CHD9: variants seen among roughly 807,000 people sequenced by gnomAD.
The protein encoded by CHD9 is chromodomain helicase DNA binding protein 9, also known as ATP-dependent chromatin remodeler CHD9.
CHD9 carries 77 observed loss-of-function variants against 316.1 expected under a neutral mutation model. The ratio of observed to expected loss-of-function variants is 0.24; its 90% confidence interval spans 0.20 to 0.29. CHD9 has a LOEUF of 0.29. Ranked by LOEUF, CHD9 falls within the 10% of genes least tolerant of loss-of-function variation. The pLI is 1.00. For synonymous variants in CHD9, 1,129 were observed against 1,158.3 expected, an observed-to-expected ratio of 0.97 and a Z score of 0.51; for missense variants, 2,763 against 3,438.1, an observed-to-expected ratio of 0.80 and a Z score of 4.91.
intron 1 of CHD9, among the ~76,000 whole-genome samples, chr16:53,092,355 A>T (rs2036016990): frequency 6.6e-6 from 1 of 152,220 alleles, no homozygotes. Flanking sequence ...ATGCAAATAC[A>T]TGCTTATCAT....
rs1165327261 is a variant in CHD9, at chr16:53,320,532, A to G, written c.7714-994A>G. 2.6e-5 allele frequency among the ~76,000 whole-genome samples: 4 copies of G among 152,178 alleles called. No individual in the cohort carries two copies. In the East Asian group the frequency reaches 7.7e-4, roughly 29 times the overall value. On this transcript the variant is annotated intron_variant, in intron 37 of 38. Transcript: ENST00000447540. ...GTGAGACTCCATCTCAAAAAAATAAATAAATACTTATAGGTAATATAACTG... is the reference window on the plus strand; with the variant it reads ...GTGAGACTCCATCTCAAAAAAATAAGTAAATACTTATAGGTAATATAACTG...
chr16:53,292,217 C>T (rs1420881861), intron 28 of CHD9, among the ~76,000 whole-genome samples: 1 of 152,144 alleles, frequency 6.6e-6, no homozygotes, highest in East Asian at 1.9e-4. Context: ...CACCAGCATC[C>T]CAGAGGAACA....
chr16:53,238,948 C>G (rs1037461880), intron 12 of CHD9, among the ~76,000 whole-genome samples: 1 of 151,932 alleles, frequency 6.6e-6, no homozygotes, highest in Admixed American at 6.6e-5. Flanking sequence ...GCTTTTTTCC[C>G]GTCATTTAAA....
intron 1 of CHD9, among the ~76,000 whole-genome samples, chr16:53,067,878 T>G (rs191879543): frequency 1.3e-5 from 2 of 152,026 alleles, no homozygotes; most frequent in East Asian, 3.9e-4. Flanking sequence ...CTGGGCAACA[T>G]AGTGAGACCC....
intron 31 of CHD9, among the ~76,000 whole-genome samples, chr16:53,305,585 A>G (rs2055887181): frequency 6.6e-6 from 1 of 152,214 alleles, no homozygotes; most frequent in Non-Finnish European, 1.5e-5. Context: ...ATAATATTAT[A>G]TAGCAGTCAC....
chr16:53,220,182 G>C (rs2047120617), intron 3 of CHD9, among the ~76,000 whole-genome samples: 1 of 152,154 alleles, frequency 6.6e-6, no homozygotes, highest in African/African-American at 2.4e-5. Flanking sequence ...GAATATCTTT[G>C]TGTTTCTTCT....
At chr16:53,128,100 G>C (rs1403511781) in intron 1 of CHD9, among the ~76,000 whole-genome samples, 1 of 152,158 alleles carries the variant, frequency 6.6e-6, no homozygotes, top group Non-Finnish European at 1.5e-5. Flanking sequence ...CTCCGTCATA[G>C]CACAGGCTTT....
intron 24 of CHD9, among the ~76,000 whole-genome samples, chr16:53,283,926 CA>C (rs2053637389): frequency 6.6e-6 from 1 of 152,042 alleles, no homozygotes; most frequent in African/African-American, 2.4e-5. Flanking sequence ...AATTTGTTTC[CA>C]TTTTTTTAAT....
At chr16:53,222,970 A>G (rs1597498931) in intron 4 of CHD9, among the ~76,000 whole-genome samples, 1 of 152,170 alleles carries the variant, frequency 6.6e-6, no homozygotes, top group Non-Finnish European at 1.5e-5. Flanking sequence ...CAGACCCCTC[A>G]TTTTTCAGAT....
At chr16:53,087,163 G>A (rs1190970586) in intron 1 of CHD9, among the ~76,000 whole-genome samples, 1 of 152,122 alleles carries the variant, frequency 6.6e-6, no homozygotes, top group East Asian at 1.9e-4. Flanking sequence ...AAACTATGAA[G>A]TATCACTCTC....
At chr16:53,109,328 TC>T (rs2037639457) in intron 1 of CHD9, among the ~76,000 whole-genome samples, 1 of 152,186 alleles carries the variant, frequency 6.6e-6, no homozygotes, top group South Asian at 2.1e-4. Context: ...ATTTTGGGAC[TC>T]GTAGTCCAGC....
intron 2 of CHD9, among the ~76,000 whole-genome samples, chr16:53,174,032 A>G (rs2042948272): frequency 6.6e-6 from 1 of 152,060 alleles, no homozygotes; most frequent in African/African-American, 2.4e-5. Flanking sequence ...TTAAGTTTTG[A>G]ATTCCCCCTT....
chr16:53,200,394 CA>C (rs1319860964), intron 2 of CHD9, among the ~76,000 whole-genome samples: 1 of 131,096 alleles, frequency 7.6e-6, no homozygotes, highest in African/African-American at 2.9e-5. Context: ...AAAAAAACCA[CA>C]AAAATTAGCC....
At chr16:53,080,793 A>G (rs1596907920) in intron 1 of CHD9, among the ~76,000 whole-genome samples, 1 of 151,374 alleles carries the variant, frequency 6.6e-6, no homozygotes, top group South Asian at 2.1e-4. Flanking sequence ...CTCCACCCCC[A>G]CCTCCTGGCT....
In CHD9 at chr16:53,102,304, G is replaced by T. The variant is rs559514830; in HGVS notation, c.-165+47227G>T. Among the ~76,000 whole-genome samples the T allele has an allele frequency of 8.6e-5, 13 of 152,014 alleles. 1 individual carries two copies. In the South Asian group the frequency reaches 2.7e-3, roughly 32 times the overall value. On this transcript the variant is annotated intron_variant, in intron 1 of 38. Coordinates refer to ENST00000447540, the MANE Select transcript of CHD9 (RefSeq NM_001308319.2). ...CCTTGTTTTAGCTTCATGAGAGTAG[G>T]GTTCAAAACTGCCTTCTTCACAACT...
intron 2 of CHD9, among the ~76,000 whole-genome samples, chr16:53,182,696 T>G (rs1437955909): frequency 2.6e-5 from 4 of 152,192 alleles, no homozygotes; most frequent in African/African-American, 9.6e-5. Flanking sequence ...CTTTAATACT[T>G]AAATCTACAT....
intron 1 of CHD9, among the ~76,000 whole-genome samples, chr16:53,135,724 T>C (rs2039665127): frequency 6.6e-6 from 1 of 152,180 alleles, no homozygotes. Flanking sequence ...AGAATAGGTT[T>C]AGCTAGAAGT....
At chr16:53,187,554 T>G (rs1447531939) in intron 2 of CHD9, among the ~76,000 whole-genome samples, 1 of 151,528 alleles carries the variant, frequency 6.6e-6, no homozygotes, top group African/African-American at 2.4e-5. Context: ...TTGGCCAGAG[T>G]CTTGGGGAAC....
At chr16:53,247,669 C>T in intron 16 of CHD9, 166 bp downstream of exon 16, 1 of 595,586 alleles carries the variant, frequency 1.7e-6, no homozygotes, top group Non-Finnish European at 2.9e-6. Context: ...GTTATATTTT[C>T]CTAACCTGCA....
Sources: gnomAD v4.1 joint callset for allele counts (sites outside exome capture counted in the v4.1 genomes callset) on GRCh38, gnomAD v4.1.1 for gene constraint, MANE v1.5 for transcripts, NCBI Gene and HGNC (gene_info 2026-07-23, HGNC 2026-07-21) for gene names.